The following MSI2 variants were observed in gnomAD, a reference collection of about 807,000 sequenced individuals.
MSI2 encodes the protein musashi RNA binding protein 2.
In MSI2, 17 loss-of-function variants were observed where a neutral mutation model predicts 45.6. The observed-to-expected ratio is 0.37, with a 90% CI of 0.26 to 0.56. The LOEUF (loss-of-function observed/expected upper bound fraction) is 0.56. MSI2 is among the 20% of genes least tolerant of loss of function. MSI2 has a pLI of 0.77. For missense variants in MSI2, 293 were observed against 444.2 expected, an observed-to-expected ratio of 0.66 and a Z score of 3.06; for synonymous variants, 156 against 158.2, an observed-to-expected ratio of 0.99 and a Z score of 0.11.
intron 5 of MSI2, among the ~76,000 whole-genome samples, chr17:57,363,191 C>T (rs1916943659): frequency 6.6e-6 from 1 of 152,182 alleles, no homozygotes; most frequent in African/African-American, 2.4e-5. Context: ...AAAAGGAAGG[C>T]AATTCCGATA....
intron 5 of MSI2, 160 bp downstream of exon 5, chr17:57,262,352 G>T: frequency 1.5e-6 from 1 of 660,452 alleles, no homozygotes. Context: ...AGATAACCAT[G>T]CGTCTCTAAG....
chr17:57,609,744 G>A (rs147149444), intron 8 of MSI2, among the ~76,000 whole-genome samples: 3 of 152,360 alleles, frequency 2.0e-5, no homozygotes, highest in Non-Finnish European at 4.4e-5. Context: ...CACTGGGGAG[G>A]AGTGGCCACT....
intron 7 of MSI2, among the ~76,000 whole-genome samples, chr17:57,536,730 G>A (rs953969859): frequency 6.6e-6 from 1 of 152,202 alleles, no homozygotes; most frequent in Non-Finnish European, 1.5e-5. Context: ...TGACAAGAAA[G>A]CGGACAGTCT....
At chr17:57,495,180 C>A (rs2085951201) in intron 6 of MSI2, among the ~76,000 whole-genome samples, 1 of 152,054 alleles carries the variant, frequency 6.6e-6, no homozygotes, top group Admixed American at 6.5e-5. Flanking sequence ...CCAAGGTTAC[C>A]CACTGAGTTA....
At chr17:57,460,512 T>A (rs927580371) in intron 6 of MSI2, among the ~76,000 whole-genome samples, 5 of 151,912 alleles carry the variant, frequency 3.3e-5, no homozygotes, top group African/African-American at 1.2e-4. Flanking sequence ...GAAAAAGATT[T>A]GATGTACGCC....
chr17:57,628,050 CT>C, intron 10 of MSI2: 1 of 152,530 alleles, frequency 6.6e-6, no homozygotes. Flanking sequence ...ACAGGGTATG[CT>C]TTTCCCCAGC....
intron 6 of MSI2, among the ~76,000 whole-genome samples, chr17:57,415,228 G>A (rs1334205660): frequency 1.3e-5 from 2 of 152,258 alleles, no homozygotes; most frequent in East Asian, 1.9e-4. Context: ...AATGAAAATG[G>A]GTCCAACAAC....
intron 6 of MSI2, among the ~76,000 whole-genome samples, chr17:57,465,871 G>A (rs1189105187): frequency 2.6e-5 from 4 of 152,180 alleles, no homozygotes; most frequent in Non-Finnish European, 5.9e-5. Flanking sequence ...TTTAGAGAAC[G>A]TTAGCTCAGC....
intron 6 of MSI2, among the ~76,000 whole-genome samples, chr17:57,496,281 G>A (rs372459796): frequency 2.7e-4 from 41 of 152,194 alleles, no homozygotes; most frequent in African/African-American, 9.2e-4. Flanking sequence ...CAGAGCCACA[G>A]GAATGGATCC....
chr17:57,651,332 G>A (rs1371416954), intron 10 of MSI2, among the ~76,000 whole-genome samples: 2 of 152,074 alleles, frequency 1.3e-5, no homozygotes, highest in Non-Finnish European at 2.9e-5. Flanking sequence ...CATCTAGACC[G>A]TGGGGCTCAG....
intron 6 of MSI2, among the ~76,000 whole-genome samples, chr17:57,436,028 G>T (rs1210853518): frequency 6.6e-6 from 1 of 152,204 alleles, no homozygotes; most frequent in Non-Finnish European, 1.5e-5. Context: ...GAGGTGGAGG[G>T]TTAGCTCTTG....
intron 5 of MSI2, among the ~76,000 whole-genome samples, chr17:57,376,381 A>G (rs1043821241): frequency 6.6e-5 from 10 of 152,188 alleles, no homozygotes; most frequent in African/African-American, 9.6e-5. Context: ...TCTGGATCCA[A>G]TTTATTGCCC....
At chr17:57,461,681 G>C (rs1421781054) in intron 6 of MSI2, among the ~76,000 whole-genome samples, 1 of 152,010 alleles carries the variant, frequency 6.6e-6, no homozygotes, top group Non-Finnish European at 1.5e-5. Context: ...GATTACAGGC[G>C]TGAGCCACCA....
intron 6 of MSI2, among the ~76,000 whole-genome samples, chr17:57,489,622 C>T (rs2085828362): frequency 6.6e-6 from 1 of 152,230 alleles, no homozygotes; most frequent in Non-Finnish European, 1.5e-5. Context: ...TGGGAGGACT[C>T]AGCCAGCACT....
chr17:57,527,343 C>A (rs1317255501), intron 6 of MSI2, among the ~76,000 whole-genome samples: 3 of 143,868 alleles, frequency 2.1e-5, no homozygotes, highest in African/African-American at 7.5e-5. Flanking sequence ...CTCATATCAC[C>A]ATATGCTCGA....
chr17:57,549,380 G>A (rs2087252189), intron 7 of MSI2, among the ~76,000 whole-genome samples: 1 of 149,446 alleles, frequency 6.7e-6, no homozygotes, highest in Non-Finnish European at 1.5e-5. Flanking sequence ...CTGCTGTCCG[G>A]CAACTAAAGT....
intron 7 of MSI2, among the ~76,000 whole-genome samples, chr17:57,530,203 G>A (rs1369507635): frequency 2.6e-5 from 4 of 152,192 alleles, no homozygotes; most frequent in Non-Finnish European, 2.9e-5. Context: ...GCTCCGTGGG[G>A]CCTCTGGAAT....
At chr17:57,574,660 ACCCTTTG>A (rs2144328574) in intron 7 of MSI2, among the ~76,000 whole-genome samples, 1 of 152,042 alleles carries the variant, frequency 6.6e-6, no homozygotes, top group Non-Finnish European at 1.5e-5. Context: ...GCAGTAGGTG[ACCCTTTG>A]TAGGGCAAGG....
At chr17:57,440,433 T>TGTGTGTGTG in intron 6 of MSI2, among the ~76,000 whole-genome samples, 1 of 148,834 alleles carries the variant, frequency 6.7e-6, no homozygotes, top group East Asian at 2.0e-4. Flanking sequence ...TGTGTGTGTG[T>TGTGTGTGTG]GTGTGTGTGT....
Sources: allele counts gnomAD v4.1 joint callset (sites outside exome capture counted in the v4.1 genomes callset), GRCh38; gene constraint gnomAD v4.1.1; transcripts MANE v1.5; gene names NCBI Gene and HGNC (gene_info 2026-07-23, HGNC 2026-07-21).